Variants in CEP85L observed in about 807,000 individuals in gnomAD.
CEP85L encodes centrosomal protein of 85 kDa-like.
CEP85L carries 60 observed loss-of-function variants against 100.3 expected under a neutral mutation model. The observed-to-expected ratio is 0.60, with a 90% CI of 0.49 to 0.74. The LOEUF is 0.74. Among genes scored for constraint, CEP85L ranks in the 30% least tolerant of loss-of-function variants. CEP85L has a pLI of 0.00. For synonymous variants in CEP85L, 319 were observed against 322.7 expected (o/e 0.99, Z 0.12); for missense variants, 973 against 936.2 (o/e 1.04, Z -0.51).
chr6:118,555,070 C>G (rs1342010438), intron 3 of CEP85L, among the ~76,000 whole-genome samples: 1 of 152,136 alleles, frequency 6.6e-6, no homozygotes, highest in African/African-American at 2.4e-5. Context: ...ACCATATGTT[C>G]AAATAGGAAT....
intron 1 of CEP85L, among the ~76,000 whole-genome samples, chr6:118,648,061 A>G (rs1775315948): frequency 6.6e-6 from 1 of 151,786 alleles, no homozygotes; most frequent in Non-Finnish European, 1.5e-5. Context: ...CGCGACCAGC[A>G]TGGCCAACAT....
upstream of CEP85L, among the ~76,000 whole-genome samples, chr6:118,656,598 G>A (rs1267047550): frequency 2.0e-5 from 3 of 152,174 alleles, no homozygotes; most frequent in Middle Eastern, 6.3e-3. Context: ...TTTAGTGCCT[G>A]TAGGACCTGC....
intron 4 of CEP85L, among the ~76,000 whole-genome samples, chr6:118,521,397 C>G (rs972564406): frequency 1.3e-5 from 2 of 152,184 alleles, no homozygotes; most frequent in Admixed American, 1.3e-4. Flanking sequence ...AGTTTCTCTT[C>G]TGTTTTATAC....
intron 1 of CEP85L, among the ~76,000 whole-genome samples, chr6:118,660,481 T>C (rs1488936972): frequency 6.6e-6 from 1 of 152,234 alleles, no homozygotes; most frequent in Non-Finnish European, 1.5e-5. Flanking sequence ...ATGGCTTTTA[T>C]AGATCTCTAG....
rs907697350 is a variant in CEP85L, at chr6:118,700,154, T to C, written c.-28+9882A>G. ...CACATGAAAACCACCAAAATGCCTT[T>C]TAAGATACCTATGCAATTCTTGAGC... On this transcript the variant is annotated intron_variant, in intron 1 of 13. Transcript: ENST00000368488. Among the ~76,000 whole-genome samples, 27 of 152,220 alleles carry C rather than the reference T, an allele frequency of 1.8e-4. 1 individual carries two copies. The highest frequency in any genetic ancestry group is 4.4e-5 in the Non-Finnish European group (3 of 68,036).
chr6:118,551,960 G>T (rs945495059), intron 3 of CEP85L, among the ~76,000 whole-genome samples: 1 of 151,946 alleles, frequency 6.6e-6, no homozygotes, highest in African/African-American at 2.4e-5. Flanking sequence ...CCAAAAAAGG[G>T]TATATGCACA....
chr6:118,602,748 A>G (rs954619466), intron 2 of CEP85L, among the ~76,000 whole-genome samples: 4 of 152,202 alleles, frequency 2.6e-5, no homozygotes, highest in African/African-American at 4.8e-5. Context: ...CAGCAAGAAT[A>G]ATTATTTTTG....
chr6:118,600,927 C>T (rs1338337387), intron 2 of CEP85L, among the ~76,000 whole-genome samples: 1 of 152,068 alleles, frequency 6.6e-6, no homozygotes, highest in Admixed American at 6.5e-5. Context: ...ACATATATAG[C>T]TATCTAATTA....
At chr6:118,522,874 C>CAAAAAA (rs11291728) in intron 4 of CEP85L, among the ~76,000 whole-genome samples, 1 of 134,848 alleles carries the variant, frequency 7.4e-6, no homozygotes. Context: ...CTGAGACTCC[C>CAAAAAA]AAAAAAAAAA....
intron 2 of CEP85L, among the ~76,000 whole-genome samples, chr6:118,593,371 A>T (rs1428283567): frequency 6.6e-6 from 1 of 151,950 alleles, no homozygotes; most frequent in Non-Finnish European, 1.5e-5. Flanking sequence ...TAAAAAAAAA[A>T]AAAGAAAAGA....
chr6:118,606,132 G>C (rs935672934), intron 2 of CEP85L, among the ~76,000 whole-genome samples: 8 of 151,910 alleles, frequency 5.3e-5, no homozygotes, highest in East Asian at 1.9e-4. Flanking sequence ...AAAAATAAAG[G>C]CCTGTTAAAT....
chr6:118,593,765 G>A (rs1029424893), intron 2 of CEP85L, among the ~76,000 whole-genome samples: 1 of 150,374 alleles, frequency 6.7e-6, no homozygotes, highest in African/African-American at 2.4e-5. Flanking sequence ...CTCTTTTTAT[G>A]AACAAGTCAC....
intron 1 of CEP85L, among the ~76,000 whole-genome samples, chr6:118,666,515 G>C (rs2115417116): frequency 6.6e-6 from 1 of 152,288 alleles, no homozygotes; most frequent in South Asian, 2.1e-4. Flanking sequence ...GTCTGGCTCT[G>C]TTCTAAGAGC....
At chr6:118,568,689 T>C (rs1779689816) in intron 2 of CEP85L, among the ~76,000 whole-genome samples, 1 of 152,050 alleles carries the variant, frequency 6.6e-6, no homozygotes, top group South Asian at 2.1e-4. Flanking sequence ...GACAGCAGAG[T>C]TGCCAATGGA....
chr6:118,597,369 T>A (rs1282027183), intron 2 of CEP85L, among the ~76,000 whole-genome samples: 2 of 152,206 alleles, frequency 1.3e-5, no homozygotes, highest in Non-Finnish European at 2.9e-5. Context: ...CTATATAACA[T>A]ACCAGTGCAA....
intron 1 of CEP85L, among the ~76,000 whole-genome samples, chr6:118,648,784 G>A (rs935074774): frequency 1.3e-5 from 2 of 151,130 alleles, no homozygotes; most frequent in Non-Finnish European, 1.5e-5. Context: ...AGTACCTTTG[G>A]CTTTTCCTTT....
intron 2 of CEP85L, among the ~76,000 whole-genome samples, chr6:118,612,930 G>A (rs1444503413): frequency 2.0e-5 from 3 of 151,908 alleles, no homozygotes; most frequent in Non-Finnish European, 4.4e-5. Context: ...AACAATAACT[G>A]AAATGAGGCC....
chr6:118,705,514 T>C (rs1465155619), intron 1 of CEP85L, among the ~76,000 whole-genome samples: 1 of 152,218 alleles, frequency 6.6e-6, no homozygotes, highest in East Asian at 1.9e-4. Flanking sequence ...TAGTAAAAGG[T>C]TTCCATTAGG....
At chr6:118,498,200 C>G (rs1216594942) in intron 5 of CEP85L, among the ~76,000 whole-genome samples, 1 of 151,914 alleles carries the variant, frequency 6.6e-6, no homozygotes, top group Non-Finnish European at 1.5e-5. Context: ...ATAAAATGCT[C>G]AATTAAAATG....
Sources: allele counts gnomAD v4.1 joint callset (sites outside exome capture counted in the v4.1 genomes callset), GRCh38; gene constraint gnomAD v4.1.1; transcripts MANE v1.5; gene names NCBI Gene and HGNC (gene_info 2026-07-23, HGNC 2026-07-21).